XRN1: variants seen among roughly 807,000 people sequenced by gnomAD.
XRN1 encodes 5'-3' exoribonuclease 1.
A neutral mutation model predicts 222.3 loss-of-function variants in XRN1; 67 were observed. The ratio of observed to expected loss-of-function variants is 0.30; its 90% confidence interval spans 0.25 to 0.37. The LOEUF is 0.37. Among genes scored for constraint, XRN1 ranks in the 10% least tolerant of loss-of-function variants. The pLI, the probability that XRN1 is intolerant of heterozygous loss-of-function variation, is 1.00. For missense variants in XRN1, 1,707 were observed against 2,000.2 expected, an observed-to-expected ratio of 0.85 and a Z score of 2.80; for synonymous variants, 643 against 652.4, an observed-to-expected ratio of 0.99 and a Z score of 0.22.
At chr3:142,371,560 T>C (rs2306698) in intron 25 of XRN1, among the ~76,000 whole-genome samples, 1 of 152,174 alleles carries the variant, frequency 6.6e-6, no homozygotes, top group Non-Finnish European at 1.5e-5. Flanking sequence ...AAACTTATAA[T>C]AAACTTCAAT....
intron 18 of XRN1, 82 bp from the exon 19 acceptor site, chr3:142,400,629 T>C (rs2068092033): frequency 9.6e-7 from 1 of 1,041,142 alleles, no homozygotes; most frequent in African/African-American, 1.6e-5. Flanking sequence ...CCAATCTCCA[T>C]TTAAGTTTTT....
chr3:142,373,270 C>A (rs1461309925), intron 25 of XRN1, among the ~76,000 whole-genome samples: 1 of 151,626 alleles, frequency 6.6e-6, no homozygotes, highest in African/African-American at 2.4e-5. Context: ...AAATGATAAA[C>A]AATAAAGTTG....
chr3:142,402,409 C>T (rs1216734959), intron 18 of XRN1, among the ~76,000 whole-genome samples: 1 of 152,110 alleles, frequency 6.6e-6, no homozygotes, highest in Admixed American at 6.5e-5. Context: ...TCTTGAACTC[C>T]TGACCTCAGA....
At chr3:142,340,082 G>A (rs1426451222) in intron 33 of XRN1, among the ~76,000 whole-genome samples, 15 of 152,096 alleles carry the variant, frequency 9.9e-5, no homozygotes, top group Non-Finnish European at 1.5e-4. Context: ...TAGGCTGGGC[G>A]CAGTGGCTCA....
intron 2 of XRN1, among the ~76,000 whole-genome samples, chr3:142,427,616 G>A (rs763060132): frequency 7.9e-5 from 12 of 152,030 alleles, no homozygotes; most frequent in Admixed American, 2.0e-4. Flanking sequence ...ATCTATCTTT[G>A]TGTTTCCTAA....
intron 1 of XRN1, among the ~76,000 whole-genome samples, chr3:142,437,822 T>C (rs1170550484): frequency 6.6e-6 from 1 of 152,092 alleles, no homozygotes; most frequent in Non-Finnish European, 1.5e-5. Flanking sequence ...AATCAGAATA[T>C]ACAACGAGCT....
rs1553729273 is a variant in XRN1, at chr3:142,376,001, C to CACAT, written c.2832-58_2832-57insATGT. The CACAT allele has an allele frequency of 6.0e-6, 9 of 1,488,726 alleles. No individual in the cohort carries two copies. The Admixed American group carries it at 7.3e-5, about 12-fold the overall frequency. The allele number at this position is 1,488,726 out of a possible 1,614,324, so 92.2% of individuals were successfully genotyped here. Reference sequence around the variant, plus strand: ...ACACACACACACACACACACACACACGAGTTTTAAAATGTCGTTCAAGGAA... The same window carrying CACAT: ...ACACACACACACACACACACACACACACATGAGTTTTAAAATGTCGTTCAAGGAA... On this transcript the variant is annotated intron_variant, in intron 24 of 40. Coordinates refer to ENST00000392981, the MANE Select transcript of XRN1 (RefSeq NM_001282857.2).
intron 35 of XRN1, 37 bp downstream of exon 35, chr3:142,332,930 A>G: frequency 1.2e-6 from 2 of 1,608,818 alleles, no homozygotes; most frequent in Admixed American, 3.4e-5. Flanking sequence ...ACAGTCGAGA[A>G]ATTACCACAG....
intron 20 of XRN1, among the ~76,000 whole-genome samples, chr3:142,395,544 T>G (rs1358488684): frequency 1.3e-5 from 2 of 152,190 alleles, no homozygotes; most frequent in Non-Finnish European, 2.9e-5. Context: ...TCAAGATCTC[T>G]TGGTCTCTCT....
chr3:142,397,939 T>C (rs2067989117), intron 19 of XRN1, among the ~76,000 whole-genome samples: 2 of 152,178 alleles, frequency 1.3e-5, no homozygotes, highest in Non-Finnish European at 2.9e-5. Context: ...TATACAATTA[T>C]TATGTATCAA....
intron 34 of XRN1, 127 bp downstream of exon 34, chr3:142,335,321 C>G: frequency 1.2e-6 from 1 of 827,208 alleles, no homozygotes; most frequent in South Asian, 1.7e-5. Context: ...AGCTTAACTT[C>G]AGTGACCCTC....
chr3:142,339,963 T>C (rs751385188), intron 33 of XRN1, among the ~76,000 whole-genome samples: 1 of 151,412 alleles, frequency 6.6e-6, no homozygotes, highest in Non-Finnish European at 1.5e-5. Context: ...AATTCTGGAG[T>C]TGAAAAATGC....
At chr3:142,399,514 ATCT>A (rs980774572) in intron 19 of XRN1, among the ~76,000 whole-genome samples, 2 of 152,120 alleles carry the variant, frequency 1.3e-5, no homozygotes, top group Non-Finnish European at 2.9e-5. Flanking sequence ...ATCAAAGAAA[ATCT>A]TCTGGATCTA....
chr3:142,376,316 CAT>C (rs1000080013), intron 24 of XRN1, 161 bp downstream of exon 24: 3 of 710,846 alleles, frequency 4.2e-6, no homozygotes, highest in Non-Finnish European at 4.7e-6. Context: ...CCACCTAAAA[CAT>C]GTGCCATTCA....
rs1388349670 is a variant in XRN1, at chr3:142,307,755, G to C, written c.*3756C>G. The C allele has an allele frequency of 2.0e-5, 3 of 152,062 alleles. No individual in the cohort carries two copies. Among genetic ancestry groups the C allele is most frequent in the Admixed American group, 2.0e-4 (3 of 15,260 alleles). 9.4% of individuals were successfully genotyped at this position (152,062 alleles called of 1,614,324 possible). A position where few individuals can be genotyped will look rare whatever the true frequency, so the allele number is the denominator to read the frequency against. On this transcript the variant is annotated 3_prime_UTR_variant, in exon 41 of 41. Coordinates refer to ENST00000392981, the MANE Select transcript of XRN1 (RefSeq NM_001282857.2). ...GGAATTTTAAGCTTTATCTTGACTA[G>C]GAAAGGAAGCTCCTGCAAAACTGAT... is the stretch of plus-strand genomic sequence containing the variant.
chr3:142,333,397 T>G (rs2065758748), intron 34 of XRN1, among the ~76,000 whole-genome samples: 1 of 152,168 alleles, frequency 6.6e-6, no homozygotes, highest in Non-Finnish European at 1.5e-5. Flanking sequence ...TGCAAATATA[T>G]TTATAGTTAA....
At chr3:142,363,950 C>A (rs993750436) in intron 29 of XRN1, among the ~76,000 whole-genome samples, 6 of 152,078 alleles carry the variant, frequency 3.9e-5, no homozygotes, top group African/African-American at 1.2e-4. Context: ...GAAGAAAATT[C>A]TTTTAGTTAT....
intron 20 of XRN1, among the ~76,000 whole-genome samples, chr3:142,385,126 A>AC (rs1044258402): frequency 2.0e-5 from 3 of 152,104 alleles, no homozygotes; most frequent in Admixed American, 6.5e-5. Context: ...AAGCATTCCA[A>AC]CCCCCCCGGA....
chr3:142,329,252 C>T (rs1416963640), intron 37 of XRN1, among the ~76,000 whole-genome samples, 182 bp downstream of exon 37: 2 of 152,120 alleles, frequency 1.3e-5, no homozygotes, highest in Non-Finnish European at 2.9e-5. Flanking sequence ...TCCCTGTCAG[C>T]TTCTCTTAGG....
Sources: gnomAD v4.1 joint callset for allele counts (sites outside exome capture counted in the v4.1 genomes callset) on GRCh38, gnomAD v4.1.1 for gene constraint, MANE v1.5 for transcripts, NCBI Gene and HGNC (gene_info 2026-07-23, HGNC 2026-07-21) for gene names.